CSMD1: variants seen among roughly 807,000 people sequenced by gnomAD.
The protein encoded by CSMD1 is CUB and sushi domain-containing protein 1.
A neutral mutation model predicts 417.5 loss-of-function variants in CSMD1; 213 were observed. That is an observed-to-expected ratio of 0.51 (90% CI 0.46 to 0.57). The LOEUF is 0.57. Among genes scored for constraint, CSMD1 ranks in the 20% least tolerant of loss-of-function variants. CSMD1 has a pLI of 0.00. For synonymous variants in CSMD1, 2,862 were observed against 1,736.8 expected (o/e 1.65, Z -16.11); for missense variants, 6,923 against 4,529.7 (o/e 1.53, Z -15.17).
intron 2 of CSMD1, among the ~76,000 whole-genome samples, chr8:4,448,713 T>C (rs1798960400): frequency 6.6e-6 from 1 of 152,232 alleles, no homozygotes; most frequent in Non-Finnish European, 1.5e-5. Context: ...GCATTGCCCA[T>C]TTCATCTTAA....
At chr8:3,235,450 T>C (rs1167532837) in intron 26 of CSMD1, among the ~76,000 whole-genome samples, 1 of 152,234 alleles carries the variant, frequency 6.6e-6, no homozygotes, top group Non-Finnish European at 1.5e-5. Flanking sequence ...TGAACACTTT[T>C]CTGGGAGTTA....
At chr8:3,777,670 C>CA (rs1242932360) in intron 5 of CSMD1, among the ~76,000 whole-genome samples, 1 of 152,236 alleles carries the variant, frequency 6.6e-6, no homozygotes, top group Non-Finnish European at 1.5e-5. Flanking sequence ...CCTTGAAGTG[C>CA]AGAGTCTCAG....
chr8:4,225,221 G>T (rs1006372522), intron 3 of CSMD1, among the ~76,000 whole-genome samples: 1 of 152,068 alleles, frequency 6.6e-6, no homozygotes, highest in Non-Finnish European at 1.5e-5. Flanking sequence ...AACCAGAGAC[G>T]GCTAGTGAAA....
intron 1 of CSMD1, among the ~76,000 whole-genome samples, chr8:4,945,375 C>A (rs144185965): frequency 2.6e-5 from 4 of 151,870 alleles, no homozygotes; most frequent in Non-Finnish European, 5.9e-5. Flanking sequence ...GAACTGCCTG[C>A]CGAAAAATAG....
At chr8:4,272,155 T>C (rs1804642221) in intron 3 of CSMD1, among the ~76,000 whole-genome samples, 1 of 152,164 alleles carries the variant, frequency 6.6e-6, no homozygotes, top group Non-Finnish European at 1.5e-5. Context: ...ACTAGATTAA[T>C]CTCAGCATGC....
chr8:3,585,913 C>G (rs1472187187), intron 9 of CSMD1, among the ~76,000 whole-genome samples: 2 of 152,122 alleles, frequency 1.3e-5, no homozygotes, highest in Non-Finnish European at 2.9e-5. Flanking sequence ...TTGCTCACAT[C>G]TATCCTCAAA....
chr8:4,414,340 T>A (rs1047833503), intron 3 of CSMD1, among the ~76,000 whole-genome samples: 1 of 152,194 alleles, frequency 6.6e-6, no homozygotes, highest in African/African-American at 2.4e-5. Context: ...AGAAAAGGTC[T>A]CTCTAGCAGC....
chr8:4,025,490 C>A (rs527999384), intron 4 of CSMD1, among the ~76,000 whole-genome samples: 1 of 152,282 alleles, frequency 6.6e-6, no homozygotes, highest in Non-Finnish European at 1.5e-5. Context: ...GCATTTAAAT[C>A]AAGAGGCAAA....
intron 5 of CSMD1, among the ~76,000 whole-genome samples, chr8:3,873,404 G>C (rs1348906952): frequency 6.6e-6 from 1 of 152,074 alleles, no homozygotes; most frequent in Non-Finnish European, 1.5e-5. Flanking sequence ...TCCTTGGCAG[G>C]CACATGGATG....
chr8:4,951,792 G>T (rs192474054), intron 1 of CSMD1, among the ~76,000 whole-genome samples: 2 of 151,720 alleles, frequency 1.3e-5, no homozygotes, highest in Non-Finnish European at 2.9e-5. Context: ...TCTGGTGAAA[G>T]ATATTTCTGA....
intron 1 of CSMD1, among the ~76,000 whole-genome samples, chr8:4,923,486 T>G (rs1226303672): frequency 6.6e-6 from 1 of 152,034 alleles, no homozygotes; most frequent in Non-Finnish European, 1.5e-5. Context: ...AAACATCTTA[T>G]GTACTTTCTC....
rs1563089303 is a variant in CSMD1, at chr8:3,796,272, T to TAG, written c.819-42231_819-42230insCT. ...TATCTATCATGTATAGATATAGATATATATCTATCATGTATAGATATATCT... is the reference window on the plus strand; with the variant it reads ...TATCTATCATGTATAGATATAGATATAGATATCTATCATGTATAGATATATCT... On this transcript the variant is annotated intron_variant, in intron 5 of 69. Transcript: ENST00000635120. 5.0e-4 allele frequency among the ~76,000 whole-genome samples: 16 copies of TAG among 31,882 alleles called. 2 individuals carry two copies. Among genetic ancestry groups the TAG allele is most frequent in the African/African-American group, 8.1e-4 (5 of 6,152 alleles). 20.9% of individuals were successfully genotyped at this position (31,882 alleles called of 152,430 possible).
rs1244654589 is a variant in CSMD1, at chr8:4,185,578, TCCTA to T, written c.416-153483_416-153480del. On this transcript the variant is annotated intron_variant, in intron 3 of 69. Transcript: ENST00000635120. Reference sequence around the variant, plus strand: ...TTAACACACAAATGGATCAAAAGTATCCTACCTATCTAGTAAATGTGCTGATTTA... The same window carrying T: ...TTAACACACAAATGGATCAAAAGTATCCTATCTAGTAAATGTGCTGATTTA... Among the ~76,000 whole-genome samples the T allele has an allele frequency of 3.9e-5, 6 of 152,220 alleles. No individual in the cohort carries two copies. The East Asian group carries it at 7.7e-4, about 20-fold the overall frequency.
rs140908700 is a variant in CSMD1 at position 3,425,656 on chromosome 8, G to A, written c.1562-16051C>T. On this transcript the variant is annotated intron_variant, in intron 12 of 69. Transcript: ENST00000635120. ...AAATGCCCTGTCCCAGCAGCAGGGA[G>A]CCCAGAGAGTTTTCATTACTCTTCT... Among the ~76,000 whole-genome samples, 173 of 151,714 alleles carry A rather than the reference G, an allele frequency of 1.1e-3. 1 individual carries two copies. Among genetic ancestry groups the A allele is most frequent in the Non-Finnish European group, 6.8e-4 (46 of 67,948 alleles).
At position 4,974,863 on chromosome 8, in the gene CSMD1, T is replaced by C. The variant is rs185830703; in HGVS notation, c.85+19469A>G. On this transcript the variant is annotated intron_variant, in intron 1 of 69. Coordinates refer to ENST00000635120, the MANE Select transcript of CSMD1 (RefSeq NM_033225.6). Reference sequence around the variant, plus strand: ...TATGTTATTAAGCATTATAACTATGTTGCAACTGTATCAACTTTCACACAA... The same window carrying C: ...TATGTTATTAAGCATTATAACTATGCTGCAACTGTATCAACTTTCACACAA... Among the ~76,000 whole-genome samples the C allele has an allele frequency of 9.2e-5, 14 of 152,302 alleles. No individual in the cohort carries two copies. In the East Asian group the frequency reaches 2.7e-3, roughly 29 times the overall value.
chr8:3,610,852 G>T (rs555028977), intron 8 of CSMD1, among the ~76,000 whole-genome samples: 26 of 152,070 alleles, frequency 1.7e-4, no homozygotes, highest in South Asian at 2.1e-4. Context: ...ATACTCTAAG[G>T]TGTTATGTGC....
chr8:4,230,352 A>G (rs1240713636), intron 3 of CSMD1, among the ~76,000 whole-genome samples: 1 of 152,230 alleles, frequency 6.6e-6, no homozygotes, highest in Non-Finnish European at 1.5e-5. Flanking sequence ...AATCAAGCCG[A>G]GTAAACTCTG....
intron 10 of CSMD1, among the ~76,000 whole-genome samples, chr8:3,519,595 T>C (rs1049045926): frequency 6.6e-6 from 1 of 152,034 alleles, no homozygotes; most frequent in Non-Finnish European, 1.5e-5. Flanking sequence ...TACCTTCAAA[T>C]CAGAAAGGGA....
chr8:4,498,374 C>T (rs1344152176), intron 2 of CSMD1, among the ~76,000 whole-genome samples: 3 of 152,106 alleles, frequency 2.0e-5, no homozygotes, highest in Non-Finnish European at 4.4e-5. Flanking sequence ...TCTTATATAG[C>T]ATGTGCATAT....
Sources: gnomAD v4.1 joint callset for allele counts (sites outside exome capture counted in the v4.1 genomes callset) on GRCh38, gnomAD v4.1.1 for gene constraint, MANE v1.5 for transcripts, NCBI Gene and HGNC (gene_info 2026-07-23, HGNC 2026-07-21) for gene names.